The following SEMA5A variants were observed in gnomAD, a reference collection of about 807,000 sequenced individuals.
SEMA5A encodes semaphorin-5A.
In SEMA5A, 55 loss-of-function variants were observed where a neutral mutation model predicts 135.5. The ratio of observed to expected loss-of-function variants is 0.41; its 90% CI spans 0.33 to 0.51. SEMA5A has a LOEUF of 0.51. Ranked by LOEUF, SEMA5A falls within the 20% of genes least tolerant of loss-of-function variation. The pLI is 0.37. For synonymous variants in SEMA5A, 580 were observed against 546.5 expected, an observed-to-expected ratio of 1.06 and a Z score of -0.85; for missense variants, 1,290 against 1,419.9, an observed-to-expected ratio of 0.91 and a Z score of 1.47.
intron 5 of SEMA5A, among the ~76,000 whole-genome samples, chr5:9,308,650 A>C (rs994803049): frequency 6.6e-6 from 1 of 152,164 alleles, no homozygotes; most frequent in Non-Finnish European, 1.5e-5. Context: ...CCAGATGTCA[A>C]CTATAGGTCG....
intron 6 of SEMA5A, among the ~76,000 whole-genome samples, chr5:9,232,744 A>G (rs1049158332): frequency 6.6e-6 from 1 of 152,190 alleles, no homozygotes; most frequent in African/African-American, 2.4e-5. Flanking sequence ...ATTAAAAAAA[A>G]TAAAATTAGG....
intron 16 of SEMA5A, among the ~76,000 whole-genome samples, chr5:9,067,214 A>G (rs1737526564): frequency 1.3e-5 from 2 of 152,108 alleles, no homozygotes; most frequent in African/African-American, 4.8e-5. Flanking sequence ...AGTACACTAA[A>G]ATGTAAGTTC....
intron 1 of SEMA5A, among the ~76,000 whole-genome samples, chr5:9,506,839 G>A (rs1362811241): frequency 1.3e-5 from 2 of 152,136 alleles, no homozygotes; most frequent in Admixed American, 1.3e-4. Context: ...CCCTCTATGT[G>A]CTATCCGAGG....
rs750122183 is a variant in SEMA5A at position 9,190,445 on chromosome 5, G to A, written c.1095C>T (p.Tyr365=). ...FQCGTVDQGL[Y]VNLTERNLQD... Reference sequence around the variant, plus strand: ...GCAGATTTCTCTCGGTCAGGTTCACGTACAGGCCCTGGTCCACGGTGCCAC... The same window carrying A: ...GCAGATTTCTCTCGGTCAGGTTCACATACAGGCCCTGGTCCACGGTGCCAC... The change falls in exon 11 of 23, where the codon TAC becomes TAT. Residue 365 remains tyrosine (Y), a synonymous_variant. Transcript: ENST00000382496. 2.4e-5 allele frequency: 38 copies of A among 1,613,526 alleles called. No homozygotes were observed. The highest frequency in any genetic ancestry group is 1.1e-4 in the East Asian group (5 of 44,868).
At chr5:9,178,339 T>C (rs1053139155) in intron 11 of SEMA5A, among the ~76,000 whole-genome samples, 5 of 149,746 alleles carry the variant, frequency 3.3e-5, no homozygotes, top group Admixed American at 2.0e-4. Flanking sequence ...TCCTTTTTTT[T>C]TTTTTTTTGT....
At chr5:9,070,297 G>T (rs1198196234) in intron 16 of SEMA5A, among the ~76,000 whole-genome samples, 1 of 152,130 alleles carries the variant, frequency 6.6e-6, no homozygotes, top group African/African-American at 2.4e-5. Flanking sequence ...CTTGAATCTG[G>T]GAGGCGGAGG....
At chr5:9,254,018 C>T (rs1748933214) in intron 5 of SEMA5A, among the ~76,000 whole-genome samples, 1 of 152,134 alleles carries the variant, frequency 6.6e-6, no homozygotes, top group Admixed American at 6.5e-5. Flanking sequence ...TCACAACATA[C>T]AAAATAGAAA....
intron 16 of SEMA5A, among the ~76,000 whole-genome samples, chr5:9,068,001 T>C (rs1476752763): frequency 6.6e-6 from 1 of 152,214 alleles, no homozygotes; most frequent in Non-Finnish European, 1.5e-5. Context: ...TGTTATTGTA[T>C]GCTATTCTTA....
chr5:9,171,203 G>A (rs1008108103), intron 11 of SEMA5A, among the ~76,000 whole-genome samples: 1 of 152,118 alleles, frequency 6.6e-6, no homozygotes, highest in African/African-American at 2.4e-5. Context: ...CACGCTCTGG[G>A]GAAGGGGTTG....
chr5:9,117,218 C>T (rs1024662071), intron 15 of SEMA5A, among the ~76,000 whole-genome samples: 31 of 152,296 alleles, frequency 2.0e-4, no homozygotes, highest in Non-Finnish European at 4.0e-4. Flanking sequence ...TGGATGCAAA[C>T]GTACGCATAT....
chr5:9,312,971 T>C (rs1752211244), intron 5 of SEMA5A, among the ~76,000 whole-genome samples: 1 of 151,982 alleles, frequency 6.6e-6, no homozygotes, highest in African/African-American at 2.4e-5. Context: ...CACAGAATGG[T>C]GGGAGAGGAG....
intron 3 of SEMA5A, among the ~76,000 whole-genome samples, chr5:9,344,587 A>G (rs1024861085): frequency 6.6e-6 from 1 of 152,196 alleles, no homozygotes; most frequent in Non-Finnish European, 1.5e-5. Flanking sequence ...AAAAACAGAA[A>G]GAAACCAGGG....
intron 1 of SEMA5A, among the ~76,000 whole-genome samples, chr5:9,541,378 C>T (rs960885824): frequency 6.6e-6 from 1 of 152,044 alleles, no homozygotes; most frequent in African/African-American, 2.4e-5. Context: ...CCTAGTTTAG[C>T]CAATTCTACA....
At chr5:9,075,412 C>A (rs1737994716) in intron 16 of SEMA5A, among the ~76,000 whole-genome samples, 1 of 152,124 alleles carries the variant, frequency 6.6e-6, no homozygotes, top group Admixed American at 6.6e-5. Flanking sequence ...AGACAAGAAA[C>A]TGGAGACAAC....
intron 5 of SEMA5A, among the ~76,000 whole-genome samples, chr5:9,288,468 G>A (rs369468785): frequency 5.3e-5 from 8 of 152,282 alleles, no homozygotes; most frequent in East Asian, 3.9e-4. Context: ...CCAGCTGGCC[G>A]CGAGAGGGCA....
intron 15 of SEMA5A, among the ~76,000 whole-genome samples, chr5:9,112,046 T>A (rs989025107): frequency 6.6e-6 from 1 of 152,250 alleles, no homozygotes; most frequent in African/African-American, 2.4e-5. Context: ...TAGCAAAGAA[T>A]GAGCTACAAT....
chr5:9,428,168 C>CTAT (rs60837763), intron 2 of SEMA5A, among the ~76,000 whole-genome samples: 241 of 75,330 alleles, frequency 3.2e-3, no homozygotes, highest in African/African-American at 0.014. Context: ...ATCTATCTAT[C>CTAT]CATCCATCCA....
At chr5:9,352,541 T>C (rs1754175210) in intron 3 of SEMA5A, among the ~76,000 whole-genome samples, 1 of 152,188 alleles carries the variant, frequency 6.6e-6, no homozygotes, top group Non-Finnish European at 1.5e-5. Context: ...TGAGCCACCA[T>C]ACCTGGCCCA....
intron 3 of SEMA5A, among the ~76,000 whole-genome samples, chr5:9,346,711 G>T (rs532224271): frequency 6.6e-6 from 1 of 152,168 alleles, no homozygotes; most frequent in East Asian, 1.9e-4. Flanking sequence ...TGGTTCCAGC[G>T]TGTGTGCACT....
Sources: allele counts gnomAD v4.1 joint callset (sites outside exome capture counted in the v4.1 genomes callset), GRCh38; gene constraint gnomAD v4.1.1; transcripts MANE v1.5; gene names NCBI Gene and HGNC (gene_info 2026-07-23, HGNC 2026-07-21).